Variants in PDGFB observed in about 807,000 individuals in gnomAD.
PDGFB encodes the protein platelet-derived growth factor subunit B.
PDGFB carries 6 observed loss-of-function variants against 29.0 expected under a neutral mutation model. The observed-to-expected ratio is 0.21, with a 90% CI of 0.11 to 0.41. The LOEUF is 0.41. PDGFB is among the 10% of genes least tolerant of loss of function. The probability of loss-of-function intolerance (pLI) is 1.00; values close to 1 mark genes in which losing one functional copy is unlikely to be tolerated. For missense variants in PDGFB, 299 were observed against 341.8 expected (o/e 0.87, Z 0.99); for synonymous variants, 144 against 140.8 (o/e 1.02, Z -0.16).
At chr22:39,240,715 G>A (rs1223141055) in intron 1 of PDGFB, 3 of 972,236 alleles carry the variant, frequency 3.1e-6, no homozygotes, top group South Asian at 1.3e-5. Context: ...GGACCAGGAG[G>A]AAAGCTCTCT....
rs543772527 is a variant in PDGFB, at chr22:39,226,903, C to T, written c.602-1056G>A. On this transcript the variant is annotated intron_variant, in intron 5 of 6. Transcript: ENST00000331163. ...CTGGGCTCAAATCTGGGCTCTCCCA[C>T]GTATCGTGGACATTGGAGCAAGTCA... Among the ~76,000 whole-genome samples the T allele has an allele frequency of 7.0e-4, 106 of 152,362 alleles. 2 individuals are homozygous for T. Among genetic ancestry groups the T allele is most frequent in the South Asian group, 6.2e-3 (30 of 4,826 alleles).
intron 1 of PDGFB, among the ~76,000 whole-genome samples, chr22:39,239,084 C>T (rs914196903): frequency 5.3e-5 from 8 of 152,236 alleles, no homozygotes; most frequent in Admixed American, 1.3e-4. Context: ...AATAATACCT[C>T]GCCCGGGGTT....
At chr22:39,236,764 G>A (rs1401701827) in intron 1 of PDGFB, among the ~76,000 whole-genome samples, 2 of 152,218 alleles carry the variant, frequency 1.3e-5, no homozygotes, top group Admixed American at 6.5e-5. Flanking sequence ...ATGGGAGACT[G>A]AGAATCACAA....
chr22:39,226,845 T>C (rs1456181378), intron 5 of PDGFB, among the ~76,000 whole-genome samples: 2 of 152,184 alleles, frequency 1.3e-5, no homozygotes, highest in African/African-American at 4.8e-5. Context: ...TAGAGTGGGA[T>C]GGGCCACAAC....
chr22:39,242,232 G>C lies in PDGFB; in HGVS notation c.63+1669C>G, dbSNP rs973187642. 1.4e-5 allele frequency: 3 copies of C among 211,992 alleles called. No individual in the cohort carries two copies. The highest frequency in any genetic ancestry group is 5.9e-5 in the Admixed American group (1 of 16,974). The allele number at this position is 211,992 out of a possible 1,614,324, so 13.1% of individuals were successfully genotyped here. A position where few individuals can be genotyped will look rare whatever the true frequency, so the allele number is the denominator to read the frequency against. On this transcript the variant is annotated intron_variant, in intron 1 of 6. Transcript: ENST00000331163. This position sits in a 1 kb window ranked among gnomAD's most constrained non-coding sequence, Gnocchi z 5.7. The stretch of plus-strand genomic sequence containing the variant: ...GACCTGGCCGCGGTAGTGCGTGCCC[G>C]TCGCTCTGCGCGCCCGCCCGCCGGA...
At chr22:39,241,194 G>T in intron 1 of PDGFB, 1 of 490,680 alleles carries the variant, frequency 2.0e-6, no homozygotes, top group Non-Finnish European at 3.7e-6. Flanking sequence ...TCAGCTGGTG[G>T]AGATGGCACC....
rs758645604 is a variant in PDGFB at position 39,225,839 on chromosome 22, G to T, written c.610C>A (p.Pro204Thr). 1.2e-5 allele frequency: 19 copies of T among 1,611,656 alleles called. No individual in the cohort carries two copies. The East Asian group carries it at 3.8e-4, about 32-fold the overall frequency. Reference sequence around the variant, plus strand: ...GTCCGAATGGTCACCCGAGTTTGGGGCGTTTTGGCTGCACAAGAAAAAGAA... The same window carrying T: ...GTCCGAATGGTCACCCGAGTTTGGGTCGTTTTGGCTGCACAAGAAAAAGAA... ...GGSQEQRAKT[P>T]QTRVTIRTVR... is the part of the protein sequence containing the mutation. The change falls in exon 6 of 7, where the codon CCC (proline) becomes ACC (threonine). Residue 204 changes from proline (P) to threonine (T), a missense_variant. Pro to Thr is a conservative substitution (Grantham distance 38). Coordinates refer to ENST00000331163, the MANE Select transcript of PDGFB (RefSeq NM_002608.4).
At position 39,244,696 on chromosome 22, in the gene PDGFB, C is replaced by T. The variant is rs933366124; in HGVS notation, c.-733G>A. The T allele has an allele frequency of 2.5e-4, 44 of 178,100 alleles. No homozygotes were observed. Among genetic ancestry groups the T allele is most frequent in the Non-Finnish European group, 4.6e-4 (39 of 84,278 alleles). The allele number at this position is 178,100 out of a possible 1,614,324, so 11.0% of individuals were successfully genotyped here. A position where few individuals can be genotyped will look rare whatever the true frequency, so the allele number is the denominator to read the frequency against. On this transcript the variant is annotated 5_prime_UTR_variant, in exon 1 of 7. Coordinates refer to ENST00000331163, the MANE Select transcript of PDGFB (RefSeq NM_002608.4). The surrounding 1 kb of genome is among the most constrained non-coding windows in gnomAD (Gnocchi z 4.5). ...GCGAGTCCGTCGGTCCGTCTGCCCG[C>T]CCGCTCGCCGCTCTGGGCGTCCTCT... is the stretch of plus-strand genomic sequence containing the variant.
At chr22:39,240,716 A>T in intron 1 of PDGFB, 1 of 980,222 alleles carries the variant, frequency 1.0e-6, no homozygotes, top group Non-Finnish European at 1.6e-6. Context: ...GACCAGGAGG[A>T]AAGCTCTCTA....
chr22:39,232,136 C>G (rs755557672), intron 3 of PDGFB, among the ~76,000 whole-genome samples: 5 of 152,254 alleles, frequency 3.3e-5, no homozygotes, highest in Non-Finnish European at 5.9e-5. Context: ...CTTCCCTCTG[C>G]TGGCACATGA....
chr22:39,231,905 G>T lies in PDGFB; in HGVS notation c.251-78C>A, dbSNP rs1269487065. On this transcript the variant is annotated intron_variant, in intron 3 of 6. Coordinates refer to ENST00000331163, the MANE Select transcript of PDGFB (RefSeq NM_002608.4). The surrounding 1 kb of genome is among the most constrained non-coding windows in gnomAD (Gnocchi z 4.3). ...CACTTGGCAGGGGAGCTCAGCGGGT[G>T]CCTCCGGGACTGCTCTTTCTCACGC... The T allele has an allele frequency of 1.6e-6, 2 of 1,274,960 alleles. No individual in the cohort carries two copies. The highest frequency in any genetic ancestry group is 2.7e-5 in the South Asian group (2 of 74,564). 79.0% of individuals were successfully genotyped at this position (1,274,960 alleles called of 1,614,324 possible). A position where few individuals can be genotyped will look rare whatever the true frequency, so the allele number is the denominator to read the frequency against.
intron 1 of PDGFB, among the ~76,000 whole-genome samples, chr22:39,236,302 G>T (rs538852919): frequency 6.6e-6 from 1 of 152,304 alleles, no homozygotes; most frequent in South Asian, 2.1e-4. Context: ...TCAAAGAGAG[G>T]CTCAATTATT....
rs1932599227 is a variant in PDGFB, at chr22:39,242,799, G to A, written c.63+1102C>T. 1 of 230,468 alleles carries A rather than the reference G, an allele frequency of 4.3e-6. No individual in the cohort carries two copies. Among genetic ancestry groups the A allele is most frequent in the African/African-American group, 2.2e-5 (1 of 44,686 alleles). 14.3% of individuals were successfully genotyped at this position (230,468 alleles called of 1,614,324 possible). On this transcript the variant is annotated intron_variant, in intron 1 of 6. Coordinates refer to ENST00000331163, the MANE Select transcript of PDGFB (RefSeq NM_002608.4). This position sits in a 1 kb window ranked among gnomAD's most constrained non-coding sequence, Gnocchi z 5.7. ...GACCCTCCCCGGGAGCCGGCGAGGT[G>A]CGGGCGAGGTGCGGACTCCCGGCCG... is the stretch of plus-strand genomic sequence containing the variant.
Position 39,228,893 on chromosome 22 carries a change from A to AAAAAAAAAAAATATATAT in PDGFB, c.601+1190_601+1191insATATATATTTTTTTTTTT, listed in dbSNP as rs1184799325. Among the ~76,000 whole-genome samples, 448 of 132,554 alleles carry AAAAAAAAAAAATATATAT rather than the reference A, an allele frequency of 3.4e-3. 6 individuals are homozygous for AAAAAAAAAAAATATATAT. The highest frequency in any genetic ancestry group is 0.013 in the Middle Eastern group (3 of 230). The allele number at this position is 132,554 out of a possible 152,430, so 87.0% of individuals were successfully genotyped here. On this transcript the variant is annotated intron_variant, in intron 5 of 6. Transcript: ENST00000331163. ...GACAGGGTGAGACTGCCTCAAAAAA[A>AAAAAAAAAAAATATATAT]ATATATATATATATAGATATATATA...
chr22:39,235,942 C>A, intron 1 of PDGFB, 68 bp from the exon 2 acceptor site: 2 of 1,041,634 alleles, frequency 1.9e-6, no homozygotes, highest in South Asian at 1.3e-5. Context: ...CTGTCTCCCC[C>A]ACCACACGCT....
chr22:39,241,107 T>G, intron 1 of PDGFB: 1 of 590,948 alleles, frequency 1.7e-6, no homozygotes. Flanking sequence ...AGTGGGGCCC[T>G]TCACTCTTTC....
At chr22:39,226,608 C>G (rs1932172622) in intron 5 of PDGFB, among the ~76,000 whole-genome samples, 1 of 152,212 alleles carries the variant, frequency 6.6e-6, no homozygotes, top group Admixed American at 6.5e-5. Flanking sequence ...TAAAAAGCTC[C>G]AAGTATGAAG....
At chr22:39,234,045 G>A (rs1048095471) in intron 2 of PDGFB, among the ~76,000 whole-genome samples, 1 of 151,704 alleles carries the variant, frequency 6.6e-6, no homozygotes. Context: ...GGATGGGGGT[G>A]GGAGCTGAAG....
rs980489928 is a variant in PDGFB, at chr22:39,243,240, G to C, written c.63+661C>G. Among the ~76,000 whole-genome samples the C allele has an allele frequency of 3.5e-5, 5 of 143,946 alleles. No individual in the cohort carries two copies. The highest frequency in any genetic ancestry group is 4.3e-4 in the East Asian group (2 of 4,688). 94.4% of individuals were successfully genotyped at this position (143,946 alleles called of 152,430 possible). ...TATCTTTCTCTCCCTCTCTCTCTCC[G>C]TCTCTCTCTCCGTCTCTCTCTCTCT... On this transcript the variant is annotated intron_variant, in intron 1 of 6. Transcript: ENST00000331163. The surrounding 1 kb of genome is among the most constrained non-coding windows in gnomAD (Gnocchi z 6.4).
Sources: gnomAD v4.1 joint callset for allele counts (sites outside exome capture counted in the v4.1 genomes callset) on GRCh38, gnomAD v4.1.1 for gene constraint, Gnocchi (gnomAD v3.1) non-coding constraint, MANE v1.5 for transcripts, NCBI Gene and HGNC (gene_info 2026-07-23, HGNC 2026-07-21) for gene names.